Variants in CETN3 observed in about 807,000 individuals in gnomAD.
CETN3 encodes the protein centrin 3.
In CETN3, 17 loss-of-function variants were observed where a neutral mutation model predicts 20.1. The observed-to-expected ratio is 0.85, with a 90% CI of 0.58 to 1.27. The LOEUF is 1.27. Among genes scored for constraint, CETN3 ranks in the 50% most tolerant of loss-of-function variants. The probability of loss-of-function intolerance (pLI) is 0.00; values close to 1 mark genes in which losing one functional copy is unlikely to be tolerated. For missense variants in CETN3, 169 were observed against 191.2 expected (o/e 0.88, Z 0.69); for synonymous variants, 52 against 59.7 (o/e 0.87, Z 0.59).
chr5:90,405,552 G>A (rs1239890723), intron 3 of CETN3, 133 bp downstream of exon 3: 1 of 598,512 alleles, frequency 1.7e-6, no homozygotes, highest in Non-Finnish European at 2.9e-6. Context: ...AAACAAAACT[G>A]AGTAAGAGTC....
At position 90,393,028 on chromosome 5, in the gene CETN3, T is replaced by C. The variant is rs1164134259; in HGVS notation, c.*1036A>G. ...TCAATTCCGTTCCTGGGAGAGCCCATAACACCGAGTACTAGATATGAGTGA... is the reference window on the plus strand; with the variant it reads ...TCAATTCCGTTCCTGGGAGAGCCCACAACACCGAGTACTAGATATGAGTGA... On this transcript the variant is annotated 3_prime_UTR_variant, in exon 5 of 5. Transcript: ENST00000283122. The C allele has an allele frequency of 6.6e-6, 1 of 152,182 alleles. No homozygotes were observed. The highest frequency in any genetic ancestry group is 1.5e-5 in the Non-Finnish European group (1 of 68,004). The allele number at this position is 152,182 out of a possible 1,614,324, so 9.4% of individuals were successfully genotyped here.
chr5:90,404,868 GAA>G (rs375642418), intron 3 of CETN3, among the ~76,000 whole-genome samples: 3 of 122,224 alleles, frequency 2.5e-5, no homozygotes. Flanking sequence ...TTGGTTTAGA[GAA>G]AAAAAAAAAA....
Position 90,407,835 on chromosome 5 carries a change from C to A in CETN3, c.18-1G>T. The A allele has an allele frequency of 6.4e-7, 1 of 1,567,386 alleles. No individual in the cohort carries two copies. Among genetic ancestry groups the A allele is most frequent in the South Asian group, 1.2e-5 (1 of 80,888 alleles). On this transcript the variant is annotated splice_acceptor_variant, in intron 1 of 4. Coordinates refer to ENST00000283122, the MANE Select transcript of CETN3 (RefSeq NM_004365.4). LOFTEE classifies it high-confidence loss of function. ...TGTTTTGTCCACTACAAGCTCACTT[C>A]TATGAAATGGAAAGAAAAAGCCCTT...
At chr5:90,398,791 G>C (rs919541304) in intron 4 of CETN3, among the ~76,000 whole-genome samples, 1 of 152,190 alleles carries the variant, frequency 6.6e-6, no homozygotes, top group Non-Finnish European at 1.5e-5. Flanking sequence ...ATGATACCAA[G>C]AGACTGAAGA....
At chr5:90,405,358 A>G in intron 3 of CETN3, 1 of 312,274 alleles carries the variant, frequency 3.2e-6, no homozygotes, top group Non-Finnish European at 5.8e-6. Flanking sequence ...TTATTAAGCA[A>G]AAATAATTTT....
At chr5:90,406,592 T>C (rs923911870) in intron 2 of CETN3, among the ~76,000 whole-genome samples, 1 of 151,734 alleles carries the variant, frequency 6.6e-6, no homozygotes, top group East Asian at 1.9e-4. Context: ...GTAGAGAACA[T>C]TCAGTAGAAA....
At chr5:90,408,717 CACATTA>C (rs1041896518) in intron 1 of CETN3, among the ~76,000 whole-genome samples, 2 of 148,236 alleles carry the variant, frequency 1.3e-5, no homozygotes, top group African/African-American at 5.0e-5. Flanking sequence ...AATCCGGTAA[CACATTA>C]ACATGTCAAA....
chr5:90,393,975 T>G lies in CETN3; in HGVS notation c.*89A>C. On this transcript the variant is annotated 3_prime_UTR_variant, in exon 5 of 5. Transcript: ENST00000283122. ...TTTTGGTCCTTTAGGATAAAAGAAC[T>G]AAGTTGGTTTTTTTCACATGGCTCC... The G allele has an allele frequency of 1.2e-6, 1 of 858,278 alleles. No individual in the cohort carries two copies. 53.2% of individuals were successfully genotyped at this position (858,278 alleles called of 1,614,324 possible). A position where few individuals can be genotyped will look rare whatever the true frequency, so the allele number is the denominator to read the frequency against.
At chr5:90,405,905 T>C (rs769805609) in intron 2 of CETN3, 106 bp from the exon 3 acceptor site, 41 of 707,696 alleles carry the variant, frequency 5.8e-5, no homozygotes, top group Non-Finnish European at 8.0e-5. Flanking sequence ...TAATAAAATA[T>C]AACTTTTTTG....
chr5:90,409,673 A>C lies in CETN3; in HGVS notation c.-12T>G, dbSNP rs201749031. On this transcript the variant is annotated 5_prime_UTR_variant, in exon 1 of 5. Coordinates refer to ENST00000283122, the MANE Select transcript of CETN3 (RefSeq NM_004365.4). The stretch of plus-strand genomic sequence containing the variant: ...AGAGCTAAACTCATTATCTCTTCGC[A>C]CAGAGACGTTCCTCTCAAGAACGAT... The C allele has an allele frequency of 2.5e-6, 4 of 1,613,950 alleles. No individual in the cohort carries two copies. The highest frequency in any genetic ancestry group is 3.4e-6 in the Non-Finnish European group (4 of 1,180,016).
At chr5:90,404,811 T>G (rs1749391041) in intron 3 of CETN3, among the ~76,000 whole-genome samples, 1 of 152,034 alleles carries the variant, frequency 6.6e-6, no homozygotes, top group South Asian at 2.1e-4. Context: ...TTCCAAATTT[T>G]TAAAATATCT....
intron 4 of CETN3, chr5:90,396,673 G>T: frequency 1.4e-6 from 1 of 721,858 alleles, no homozygotes; most frequent in Non-Finnish European, 2.0e-6. Context: ...AAAAGTACTT[G>T]TTACTTAAAG....
rs1749077713 is a variant in CETN3 at position 90,393,982 on chromosome 5, G to T, written c.*82C>A. 2.0e-6 allele frequency: 2 copies of T among 994,560 alleles called. No individual in the cohort carries two copies. The highest frequency in any genetic ancestry group is 1.6e-5 in the African/African-American group (1 of 60,774). The allele number at this position is 994,560 out of a possible 1,614,324, so 61.6% of individuals were successfully genotyped here. A position where few individuals can be genotyped will look rare whatever the true frequency, so the allele number is the denominator to read the frequency against. ...CCTTTAGGATAAAAGAACTAAGTTG[G>T]TTTTTTTCACATGGCTCCAGGCACA... On this transcript the variant is annotated 3_prime_UTR_variant, in exon 5 of 5. Transcript: ENST00000283122.
chr5:90,394,016 AT>A lies in CETN3; in HGVS notation c.*47del. Reference sequence around the variant, plus strand: ...ACATGGCTCCAGGCACAAAAATAGAATATAAGATGGTAACTGCAACATTCTT... The same window carrying A: ...ACATGGCTCCAGGCACAAAAATAGAAATAAGATGGTAACTGCAACATTCTT... On this transcript the variant is annotated 3_prime_UTR_variant, in exon 5 of 5. Coordinates refer to ENST00000283122, the MANE Select transcript of CETN3 (RefSeq NM_004365.4). 7.7e-7 allele frequency: 1 copy of A among 1,306,050 alleles called. No homozygotes were observed. Among genetic ancestry groups the A allele is most frequent in the Non-Finnish European group, 1.1e-6 (1 of 918,084 alleles). The allele number at this position is 1,306,050 out of a possible 1,614,324, so 80.9% of individuals were successfully genotyped here. A position where few individuals can be genotyped will look rare whatever the true frequency, so the allele number is the denominator to read the frequency against.
At chr5:90,396,433 T>C in intron 4 of CETN3, 1 of 1,504,910 alleles carries the variant, frequency 6.6e-7, no homozygotes, top group African/African-American at 1.4e-5. Flanking sequence ...GATCCCTCTC[T>C]CTTTCCAATA....
At chr5:90,400,037 C>T (rs1749241855) in intron 3 of CETN3, among the ~76,000 whole-genome samples, 1 of 152,182 alleles carries the variant, frequency 6.6e-6, no homozygotes, top group African/African-American at 2.4e-5. Context: ...ACAAGAAAAA[C>T]TGCAAGAGAC....
At chr5:90,396,244 G>A in intron 4 of CETN3, 1 of 985,060 alleles carries the variant, frequency 1.0e-6, no homozygotes, top group South Asian at 4.7e-5. Context: ...AAGCTGACAG[G>A]GAACTATGAA....
chr5:90,405,658 G>A (rs1192277927), intron 3 of CETN3, 27 bp downstream of exon 3: 2 of 1,381,326 alleles, frequency 1.4e-6, no homozygotes, highest in East Asian at 2.3e-5. Context: ...AACAGCTGCT[G>A]ATTACAAAGA....
At chr5:90,406,602 A>G (rs1483184310) in intron 2 of CETN3, among the ~76,000 whole-genome samples, 1 of 151,946 alleles carries the variant, frequency 6.6e-6, no homozygotes, top group Non-Finnish European at 1.5e-5. Context: ...TTCAGTAGAA[A>G]GCAAAGGAAT....
Sources: allele counts gnomAD v4.1 joint callset (sites outside exome capture counted in the v4.1 genomes callset), GRCh38; gene constraint gnomAD v4.1.1; transcripts MANE v1.5; gene names NCBI Gene and HGNC (gene_info 2026-07-23, HGNC 2026-07-21).